The following PLEKHA8 variants were observed in gnomAD, a reference collection of about 807,000 sequenced individuals.
PLEKHA8 encodes pleckstrin homology domain containing A8.
Under a neutral mutation model 68.2 loss-of-function variants are expected in PLEKHA8, and 36 were observed. That is an observed-to-expected ratio of 0.53 (90% confidence interval 0.40 to 0.70). PLEKHA8 has a LOEUF of 0.70. PLEKHA8 is among the 30% of genes least tolerant of loss of function. The pLI, the probability that PLEKHA8 is intolerant of heterozygous loss-of-function variation, is 0.00. For missense variants in PLEKHA8, 505 were observed against 615.4 expected, an observed-to-expected ratio of 0.82 and a Z score of 1.90; for synonymous variants, 211 against 216.1, an observed-to-expected ratio of 0.98 and a Z score of 0.20.
In PLEKHA8 at chr7:30,080,690, T is replaced by C; in HGVS notation, c.*1903T>C. 1.0e-6 allele frequency: 1 copy of C among 985,306 alleles called. No individual in the cohort carries two copies. The highest frequency in any genetic ancestry group is 1.2e-6 in the Non-Finnish European group (1 of 829,896). 61.0% of individuals were successfully genotyped at this position (985,306 alleles called of 1,614,324 possible). On this transcript the variant is annotated 3_prime_UTR_variant, in exon 14 of 14. Transcript: ENST00000449726. ...AAAGAAGGGGGGTATTAAAATGATGTTGATTATTTTGTATTTTGCCAAGGT... is the reference window on the plus strand; with the variant it reads ...AAAGAAGGGGGGTATTAAAATGATGCTGATTATTTTGTATTTTGCCAAGGT...
chr7:30,065,389 A>C (rs1583418665), intron 12 of PLEKHA8, among the ~76,000 whole-genome samples: 2 of 150,000 alleles, frequency 1.3e-5, no homozygotes, highest in Non-Finnish European at 3.0e-5. Context: ...TATTAAACCC[A>C]CCCTCCCTCC....
intron 1 of PLEKHA8, among the ~76,000 whole-genome samples, chr7:30,037,328 G>A (rs1476544631): frequency 1.6e-4 from 25 of 151,802 alleles, no homozygotes; most frequent in Non-Finnish European, 8.8e-5. Context: ...TACTTTCTCT[G>A]TTTTTATTTA....
intron 13 of PLEKHA8, among the ~76,000 whole-genome samples, chr7:30,104,365 C>T (rs1463590171): frequency 6.6e-6 from 1 of 152,144 alleles, no homozygotes; most frequent in African/African-American, 2.4e-5. Flanking sequence ...CCCCAATGAC[C>T]CATCTTCTCC....
chr7:30,071,895 T>C (rs1327187944), intron 12 of PLEKHA8: 5 of 152,266 alleles, frequency 3.3e-5, no homozygotes, highest in African/African-American at 1.2e-4. Flanking sequence ...GTTGTCTTGC[T>C]GGTTTTTATC....
downstream of PLEKHA8, among the ~76,000 whole-genome samples, chr7:30,094,150 A>C (rs1445866689): frequency 1.3e-5 from 2 of 152,180 alleles, no homozygotes; most frequent in Non-Finnish European, 2.9e-5. Context: ...CATTATCCGA[A>C]GGGACATCTT....
intron 13 of PLEKHA8, among the ~76,000 whole-genome samples, chr7:30,074,385 T>C (rs1200631310): frequency 3.9e-5 from 6 of 152,132 alleles, no homozygotes; most frequent in African/African-American, 1.4e-4. Flanking sequence ...AAAAAGTGTC[T>C]GGAATAGCAA....
intron 13 of PLEKHA8, among the ~76,000 whole-genome samples, chr7:30,101,116 G>A (rs1015122697): frequency 6.6e-6 from 1 of 151,932 alleles, no homozygotes; most frequent in Non-Finnish European, 1.5e-5. Flanking sequence ...CTTGAACCTG[G>A]GAGGCAGAGA....
chr7:30,034,758 C>T (rs1379920801), intron 1 of PLEKHA8, among the ~76,000 whole-genome samples: 1 of 152,132 alleles, frequency 6.6e-6, no homozygotes, highest in Non-Finnish European at 1.5e-5. Context: ...GAAATTCAAA[C>T]CCATGGTATG....
chr7:30,040,269 G>T (rs1791429188), intron 1 of PLEKHA8, among the ~76,000 whole-genome samples: 1 of 152,190 alleles, frequency 6.6e-6, no homozygotes, highest in Non-Finnish European at 1.5e-5. Context: ...TGATCAGGGG[G>T]TTCAAACAAT....
intron 13 of PLEKHA8, among the ~76,000 whole-genome samples, chr7:30,112,947 AAGTTT>A (rs1796319416): frequency 6.6e-6 from 1 of 152,096 alleles, no homozygotes; most frequent in African/African-American, 2.4e-5. Context: ...AACAAGCCTA[AAGTTT>A]ATCAGTATCT....
downstream of PLEKHA8, among the ~76,000 whole-genome samples, chr7:30,093,029 T>C (rs1795477429): frequency 6.6e-6 from 1 of 152,182 alleles, no homozygotes; most frequent in Non-Finnish European, 1.5e-5. Flanking sequence ...AAGTCCAAGA[T>C]ATGCCTTTGG....
downstream of PLEKHA8, among the ~76,000 whole-genome samples, chr7:30,092,495 G>A (rs1477408905): frequency 2.6e-5 from 4 of 151,998 alleles, no homozygotes; most frequent in Non-Finnish European, 4.4e-5. Context: ...CCTGAGCCCC[G>A]GAGCCAGCTG....
Position 30,049,154 on chromosome 7 carries a change from G to C in PLEKHA8, c.439-70G>C. The C allele has an allele frequency of 1.9e-6, 3 of 1,580,266 alleles. No individual in the cohort carries two copies. The East Asian group carries it at 6.7e-5, about 35-fold the overall frequency. ...TTATTATTTTGTGGGCAACCTCTAA[G>C]GACATTCCACAATTGGGCTTTTTCT... On this transcript the variant is annotated intron_variant, in intron 4 of 13. Transcript: ENST00000449726.
At chr7:30,128,115 T>A (rs1796810023) in intron 13 of PLEKHA8, among the ~76,000 whole-genome samples, 1 of 149,144 alleles carries the variant, frequency 6.7e-6, no homozygotes, top group Non-Finnish European at 1.5e-5. Context: ...TTTTTTTACT[T>A]ATTTATTTTG....
downstream of PLEKHA8, among the ~76,000 whole-genome samples, chr7:30,088,750 G>C (rs1198645991): frequency 2.6e-5 from 4 of 152,300 alleles, no homozygotes; most frequent in Middle Eastern, 6.8e-3. Context: ...AAAAAGACCA[G>C]ATTTTTCTGG....
intron 12 of PLEKHA8, among the ~76,000 whole-genome samples, chr7:30,073,052 G>C (rs1302828869): frequency 6.6e-6 from 1 of 152,104 alleles, no homozygotes; most frequent in East Asian, 1.9e-4. Context: ...GCATCCATCT[G>C]GTTCTTGGGA....
At chr7:30,030,625 C>G (rs1413659974) in intron 1 of PLEKHA8, among the ~76,000 whole-genome samples, 1 of 152,218 alleles carries the variant, frequency 6.6e-6, no homozygotes, top group Non-Finnish European at 1.5e-5. Flanking sequence ...GCTGCTTGTT[C>G]CCTTAGCCCA....
At chr7:30,121,391 C>T (rs1796694721) in intron 13 of PLEKHA8, among the ~76,000 whole-genome samples, 3 of 152,096 alleles carry the variant, frequency 2.0e-5, no homozygotes, top group African/African-American at 7.2e-5. Flanking sequence ...CATTTTGGGT[C>T]GCTGAGGCGG....
intron 1 of PLEKHA8, among the ~76,000 whole-genome samples, chr7:30,035,405 A>AG (rs765973216): frequency 2.0e-5 from 3 of 152,170 alleles, no homozygotes; most frequent in Non-Finnish European, 2.9e-5. Context: ...GTTCACTTTA[A>AG]GGGTAGGTTA....
Sources: gnomAD v4.1 joint callset for allele counts (sites outside exome capture counted in the v4.1 genomes callset) on GRCh38, gnomAD v4.1.1 for gene constraint, MANE v1.5 for transcripts, NCBI Gene and HGNC (gene_info 2026-07-23, HGNC 2026-07-21) for gene names.